Variants in ATP12A observed in about 807,000 individuals in gnomAD.
ATP12A encodes potassium-transporting ATPase alpha chain 2.
In ATP12A, 81 loss-of-function variants were observed where a neutral mutation model predicts 111.2. The ratio of observed to expected loss-of-function variants is 0.73; its 90% CI spans 0.61 to 0.88. The LOEUF (loss-of-function observed/expected upper bound fraction) is 0.88, where lower values mean the gene tolerates loss of function less well. Ranked by LOEUF, ATP12A falls within the 40% of genes least tolerant of loss-of-function variation. ATP12A has a pLI of 0.00. For synonymous variants in ATP12A, 498 were observed against 499.8 expected (o/e 1.00, Z 0.05); for missense variants, 1,196 against 1,313.1 (o/e 0.91, Z 1.38).
rs114313078 is a variant in ATP12A, at chr13:24,698,619, C to A, written c.1513-39C>A. ...AGTAGAGAAGAAGGAATGCGTTTCACCTTTCTGTAAGTAACACGCTCAGTT... is the reference window on the plus strand; with the variant it reads ...AGTAGAGAAGAAGGAATGCGTTTCAACTTTCTGTAAGTAACACGCTCAGTT... On this transcript the variant is annotated intron_variant, in intron 11 of 22. Transcript: ENST00000381946. 1,254 of 1,596,238 alleles carry A rather than the reference C, an allele frequency of 7.9e-4. 11 individuals carry two copies. In the African/African-American group the frequency reaches 0.015, roughly 19 times the overall value.
intron 2 of ATP12A, among the ~76,000 whole-genome samples, chr13:24,682,561 G>A (rs1874522161): frequency 6.6e-6 from 1 of 152,164 alleles, no homozygotes; most frequent in Non-Finnish European, 1.5e-5. Flanking sequence ...TCTCCCCGCA[G>A]CTGCTTCAGT....
intron 11 of ATP12A, among the ~76,000 whole-genome samples, chr13:24,695,680 T>C (rs978652254): frequency 7.0e-6 from 1 of 143,500 alleles, no homozygotes; most frequent in South Asian, 2.4e-4. Context: ...CGATCTCGGC[T>C]CACTGCAACC....
intron 15 of ATP12A, among the ~76,000 whole-genome samples, 185 bp downstream of exon 15, chr13:24,706,648 C>A (rs1466516738): frequency 6.6e-6 from 1 of 152,160 alleles, no homozygotes; most frequent in African/African-American, 2.4e-5. Flanking sequence ...CTTTGAGACC[C>A]CCACCACATG....
intron 11 of ATP12A, among the ~76,000 whole-genome samples, chr13:24,698,073 A>G (rs1875240382): frequency 6.6e-6 from 1 of 152,126 alleles, no homozygotes; most frequent in Non-Finnish European, 1.5e-5. Context: ...TGGATCTAGA[A>G]GTAGAATTGC....
In ATP12A at chr13:24,688,432, G is replaced by C. The variant is rs200518575; in HGVS notation, c.342G>C (p.Gly114=). Residue 114 remains glycine (G), a synonymous_variant, in exon 4 of 23, where the codon GGG becomes GGC. Coordinates refer to ENST00000381946, the MANE Select transcript of ATP12A (RefSeq NM_001676.7). ...AGTTCCTCAAGCAGATGGTGGGGGG[G>C]TTCTCTATCCTCCTGTGGGTGGGCG... ...IVKFLKQMVG[G]FSILLWVGAF... 1.2e-6 allele frequency: 2 copies of C among 1,613,992 alleles called. No individual in the cohort carries two copies. The highest frequency in any genetic ancestry group is 2.7e-5 in the African/African-American group (2 of 74,896).
At chr13:24,681,852 T>C (rs1874448609) in intron 2 of ATP12A, 132 bp downstream of exon 2, 4 of 1,229,490 alleles carry the variant, frequency 3.3e-6, no homozygotes, top group Non-Finnish European at 4.6e-6. Flanking sequence ...GTGTGTGGTG[T>C]GTGGTGTCTG....
chr13:24,689,670 G>A (rs1874798709), intron 5 of ATP12A, among the ~76,000 whole-genome samples: 1 of 152,160 alleles, frequency 6.6e-6, no homozygotes, highest in African/African-American at 2.4e-5. Flanking sequence ...GTCAGGGAGT[G>A]TTCTTTCACT....
At chr13:24,699,048 A>G (rs934157953) in intron 12 of ATP12A, among the ~76,000 whole-genome samples, 198 bp downstream of exon 12, 1 of 152,222 alleles carries the variant, frequency 6.6e-6, no homozygotes, top group Non-Finnish European at 1.5e-5. Flanking sequence ...CCAGAGAGGC[A>G]AGCTCAGGGA....
At position 24,682,557 on chromosome 13, in the gene ATP12A, C is replaced by G. The variant is rs575580278; in HGVS notation, c.168+837C>G. On this transcript the variant is annotated intron_variant, in intron 2 of 22. Transcript: ENST00000381946. ...ACAGGCATGGCCAGACCTCTCTCCC[C>G]GCAGCTGCTTCAGTGAGAGTTAAGT... Among the ~76,000 whole-genome samples the G allele has an allele frequency of 1.9e-3, 285 of 152,246 alleles. 1 individual carries two copies. Among genetic ancestry groups the G allele is most frequent in the African/African-American group, 6.5e-3 (271 of 41,522 alleles).
intron 10 of ATP12A, among the ~76,000 whole-genome samples, chr13:24,694,096 C>T (rs1192958202): frequency 1.3e-5 from 2 of 152,204 alleles, no homozygotes; most frequent in Admixed American, 6.5e-5. Context: ...TGAACACTCA[C>T]GGACGAGCCT....
chr13:24,697,729 C>T (rs1867770), intron 11 of ATP12A, among the ~76,000 whole-genome samples: 83,926 of 150,214 alleles, frequency 0.56, 23,704 homozygotes, highest in South Asian at 0.7. Flanking sequence ...GGGAGGTTTT[C>T]TGTTTGGTTT....
At chr13:24,710,343 C>A in intron 19 of ATP12A, 117 bp from the exon 20 acceptor site, 1 of 1,255,872 alleles carries the variant, frequency 8.0e-7, no homozygotes, top group Non-Finnish European at 1.1e-6. Context: ...AGAAGGTGGT[C>A]CATTCTCAGT....
chr13:24,690,198 T>C (rs1874819528), intron 5 of ATP12A, 140 bp from the exon 6 acceptor site: 4 of 1,320,486 alleles, frequency 3.0e-6, no homozygotes, highest in Non-Finnish European at 1.0e-6. Context: ...AGGTGCAGGC[T>C]GCATAACAGC....
chr13:24,688,192 G>C, intron 3 of ATP12A, 127 bp from the exon 4 acceptor site: 1 of 1,036,558 alleles, frequency 9.6e-7, no homozygotes, highest in East Asian at 2.5e-5. Context: ...CTTTTCTCGG[G>C]ACCTTCTTTG....
Position 24,689,372 on chromosome 13 carries a change from T to C in ATP12A, c.543T>C (p.Pro181=). The change falls in exon 5 of 23, where the codon CCT becomes CCC. Residue 181 remains proline, a synonymous_variant. Coordinates refer to ENST00000381946, the MANE Select transcript of ATP12A (RefSeq NM_001676.7). The part of the protein sequence containing the change: ...NIMSSFNKMI[P]QQALVIRDSE... ...TGTCCAGCTTCAATAAGATGATCCC[T>C]CAGGTGAGTGGCAGCCACCTATCCT... 1 of 1,613,512 alleles carries C rather than the reference T, an allele frequency of 6.2e-7. No homozygotes were observed. Among genetic ancestry groups the C allele is most frequent in the Non-Finnish European group, 8.5e-7 (1 of 1,179,520 alleles).
chr13:24,710,432 G>A (rs1342190308), intron 19 of ATP12A, 28 bp from the exon 20 acceptor site: 4 of 1,611,930 alleles, frequency 2.5e-6, no homozygotes, highest in African/African-American at 1.3e-5. Flanking sequence ...TAGGCCTCAA[G>A]GTCTCTTCCT....
In ATP12A at chr13:24,710,594, G is replaced by C. The variant is rs1429872321; in HGVS notation, c.2897+1G>C. On this transcript the variant is annotated splice_donor_variant, in intron 20 of 22. Transcript: ENST00000381946. LOFTEE classifies it high-confidence loss of function. ...CCATCTTCCAGCAGGGTCTCTTCAG[G>C]TACTGCCTGTGCCCGGCCTCCTGGG... The C allele has an allele frequency of 1.2e-6, 2 of 1,614,058 alleles. No individual in the cohort carries two copies. Among genetic ancestry groups the C allele is most frequent in the Non-Finnish European group, 1.7e-6 (2 of 1,180,028 alleles).
At chr13:24,710,173 G>A (rs1173387015) in intron 19 of ATP12A, among the ~76,000 whole-genome samples, 1 of 152,238 alleles carries the variant, frequency 6.6e-6, no homozygotes, top group Non-Finnish European at 1.5e-5. Context: ...GGGAGGCTGA[G>A]GAGGGAGAAT....
chr13:24,695,113 A>G (rs1875084567), intron 11 of ATP12A, among the ~76,000 whole-genome samples: 1 of 152,150 alleles, frequency 6.6e-6, no homozygotes, highest in Non-Finnish European at 1.5e-5. Context: ...GTGTTGAGAG[A>G]CCAGAGTCAC....
Sources: gnomAD v4.1 joint callset for allele counts (sites outside exome capture counted in the v4.1 genomes callset) on GRCh38, gnomAD v4.1.1 for gene constraint, MANE v1.5 for transcripts, NCBI Gene and HGNC (gene_info 2026-07-23, HGNC 2026-07-21) for gene names.